KHDRBS2: variants seen among roughly 807,000 people sequenced by gnomAD.
The protein encoded by KHDRBS2 is KH RNA binding domain containing, signal transduction associated 2.
In KHDRBS2, 26 loss-of-function variants were observed where a neutral mutation model predicts 44.3. The observed-to-expected ratio is 0.59, with a 90% confidence interval of 0.43 to 0.81. The LOEUF is 0.81. Ranked by LOEUF, KHDRBS2 falls within the 40% of genes least tolerant of loss-of-function variation. KHDRBS2 has a pLI of 0.00. For missense variants in KHDRBS2, 476 were observed against 433.1 expected, an observed-to-expected ratio of 1.10 and a Z score of -0.88; for synonymous variants, 194 against 151.1, an observed-to-expected ratio of 1.28 and a Z score of -2.08.
chr6:62,036,234 G>A (rs530761206), intron 3 of KHDRBS2, among the ~76,000 whole-genome samples: 1 of 151,978 alleles, frequency 6.6e-6, no homozygotes, highest in African/African-American at 2.4e-5. Context: ...AGAGAGGACG[G>A]ATAGCAACAT....
intron 1 of KHDRBS2, among the ~76,000 whole-genome samples, chr6:62,196,022 G>C (rs1168043398): frequency 6.6e-6 from 1 of 152,140 alleles, no homozygotes; most frequent in Non-Finnish European, 1.5e-5. Context: ...ATTCTAGAAA[G>C]TGATTTCCCA....
chr6:61,580,280 A>G, the KHDRBS2 span, among the ~76,000 whole-genome samples: 7 of 152,176 alleles, frequency 4.6e-5, no homozygotes, highest in African/African-American at 9.7e-5. Flanking sequence ...TTTTGTGTCT[A>G]GCTAAAGGAT....
intron 3 of KHDRBS2, among the ~76,000 whole-genome samples, chr6:62,008,212 C>T (rs1779621104): frequency 6.6e-6 from 1 of 152,114 alleles, no homozygotes; most frequent in Admixed American, 6.6e-5. Context: ...CTGGATATAA[C>T]CTGCCTCAGT....
chr6:61,963,404 T>G (rs1274722406), intron 4 of KHDRBS2, among the ~76,000 whole-genome samples: 1 of 152,072 alleles, frequency 6.6e-6, no homozygotes, highest in South Asian at 2.1e-4. Flanking sequence ...CTCTAAAGTA[T>G]GTTGAGATGA....
At chr6:62,194,123 G>T (rs1355294935) in intron 1 of KHDRBS2, among the ~76,000 whole-genome samples, 1 of 151,908 alleles carries the variant, frequency 6.6e-6, no homozygotes, top group African/African-American at 2.4e-5. Context: ...TAACTTTCGT[G>T]TCATATCTAA....
chr6:61,588,741 A>G, the KHDRBS2 span, among the ~76,000 whole-genome samples: 1 of 152,100 alleles, frequency 6.6e-6, no homozygotes, highest in Non-Finnish European at 1.5e-5. Context: ...GCAGTGAGCC[A>G]TGACTGTGCC....
intron 6 of KHDRBS2, among the ~76,000 whole-genome samples, chr6:61,824,813 TG>T (rs1790579457): frequency 6.6e-6 from 1 of 152,170 alleles, no homozygotes; most frequent in Non-Finnish European, 1.5e-5. Flanking sequence ...TGCAAATACC[TG>T]CTTATGCACA....
At chr6:61,568,054 T>C in the KHDRBS2 span, among the ~76,000 whole-genome samples, 2 of 152,294 alleles carry the variant, frequency 1.3e-5, no homozygotes, top group East Asian at 3.9e-4. Context: ...TTCTTCTGCA[T>C]GTGGCTATCC....
At chr6:61,584,704 ACTT>A in the KHDRBS2 span, among the ~76,000 whole-genome samples, 1 of 151,966 alleles carries the variant, frequency 6.6e-6, no homozygotes, top group South Asian at 2.1e-4. Context: ...GTGAGTGCAT[ACTT>A]CTTGTTTAGT....
At chr6:61,592,625 CT>C in the KHDRBS2 span, among the ~76,000 whole-genome samples, 2 of 152,080 alleles carry the variant, frequency 1.3e-5, no homozygotes, top group African/African-American at 4.8e-5. Flanking sequence ...TGCAGGCTCT[CT>C]GAATAGCTAA....
chr6:61,914,624 G>A lies in KHDRBS2; in HGVS notation c.484-13253C>T, dbSNP rs145503592. On this transcript the variant is annotated intron_variant, in intron 4 of 8. Transcript: ENST00000281156. ...GTATACATATGTAAGAAACCTGCAC[G>A]TTGTGCACATGTACCCTAAAATTTA... 9.1e-3 allele frequency among the ~76,000 whole-genome samples: 1,381 copies of A among 152,106 alleles called. 10 individuals carry two copies. The highest frequency in any genetic ancestry group is 0.017 in the Middle Eastern group (5 of 294).
In KHDRBS2 at chr6:61,898,662, G is replaced by A. The variant is rs542026999; in HGVS notation, c.611+2582C>T. 4.6e-5 allele frequency among the ~76,000 whole-genome samples: 7 copies of A among 152,010 alleles called. No homozygotes were observed. In the South Asian group the frequency reaches 1.5e-3, roughly 32 times the overall value. The stretch of plus-strand genomic sequence containing the variant: ...ATATAATAACATCTAGTAAGTGGGA[G>A]AACTAGGATTTAGAACCCAGGCATT... On this transcript the variant is annotated intron_variant, in intron 5 of 8. Transcript: ENST00000281156.
chr6:61,860,265 CTT>C (rs1002720570), intron 6 of KHDRBS2, among the ~76,000 whole-genome samples: 1 of 151,794 alleles, frequency 6.6e-6, no homozygotes, highest in African/African-American at 2.4e-5. Flanking sequence ...TGGTTAATGT[CTT>C]TTTTTGTGTG....
At chr6:61,573,240 A>T in the KHDRBS2 span, among the ~76,000 whole-genome samples, 1 of 152,164 alleles carries the variant, frequency 6.6e-6, no homozygotes, top group East Asian at 1.9e-4. Context: ...AAAATAAAAT[A>T]CTTAGGAATA....
At chr6:61,743,682 C>A (rs1448037873) in intron 6 of KHDRBS2, among the ~76,000 whole-genome samples, 3 of 151,562 alleles carry the variant, frequency 2.0e-5, no homozygotes, top group Admixed American at 1.3e-4. Flanking sequence ...GCACAACGTG[C>A]AGGTTTGTTA....
the KHDRBS2 span, among the ~76,000 whole-genome samples, chr6:61,579,633 A>C: frequency 6.6e-6 from 1 of 152,194 alleles, no homozygotes; most frequent in East Asian, 1.9e-4. Context: ...AAAAATTTAT[A>C]TAAGAAAATG....
rs560159769 is a variant in KHDRBS2 at position 62,259,293 on chromosome 6, T to C, written c.91+26565A>G. ...ATTTATGTCAGGATCATATTGCATA[T>C]ATAATTTTTGTTCTATGATTTTTCT... On this transcript the variant is annotated intron_variant, in intron 1 of 8. Coordinates refer to ENST00000281156, the MANE Select transcript of KHDRBS2 (RefSeq NM_152688.4). Among the ~76,000 whole-genome samples, 4 of 152,160 alleles carry C rather than the reference T, an allele frequency of 2.6e-5. No individual in the cohort carries two copies. In the East Asian group the frequency reaches 7.8e-4, roughly 30 times the overall value.
At chr6:61,608,232 TTATA>T in the KHDRBS2 span, among the ~76,000 whole-genome samples, 261 of 151,710 alleles carry the variant, frequency 1.7e-3, 2 homozygotes, top group African/African-American at 6.0e-3. Flanking sequence ...TCTGCTTGTT[TTATA>T]TATATATACA....
the KHDRBS2 span, among the ~76,000 whole-genome samples, chr6:61,551,974 TG>T: frequency 3.3e-5 from 5 of 152,274 alleles, no homozygotes; most frequent in Middle Eastern, 3.4e-3. Flanking sequence ...TGTTGTTGCA[TG>T]GGAATGCTAC....
Sources: allele counts gnomAD v4.1 joint callset (sites outside exome capture counted in the v4.1 genomes callset), GRCh38; gene constraint gnomAD v4.1.1; transcripts MANE v1.5; gene names NCBI Gene and HGNC (gene_info 2026-07-23, HGNC 2026-07-21).